The following RIMS1 variants were observed in gnomAD, a reference collection of about 807,000 sequenced individuals.
RIMS1 encodes the protein regulating synaptic membrane exocytosis protein 1.
RIMS1 carries 83 observed loss-of-function variants against 214.1 expected under a neutral mutation model. The ratio of observed to expected loss-of-function variants is 0.39; its 90% confidence interval spans 0.32 to 0.47. The LOEUF is 0.47. Ranked by LOEUF, RIMS1 falls within the 20% of genes least tolerant of loss-of-function variation. RIMS1 has a pLI of 0.99. For synonymous variants in RIMS1, 793 were observed against 786.8 expected (o/e 1.01, Z -0.13); for missense variants, 2,050 against 2,161.8 (o/e 0.95, Z 1.03).
rs34821160 is a variant in RIMS1 at position 72,251,340 on chromosome 6, T to C, written c.2670T>C (p.His890=). 1.0e-3 allele frequency: 1,618 copies of C among 1,598,152 alleles called. 14 individuals are homozygous for C. In the African/African-American group the frequency reaches 0.019, roughly 19 times the overall value. Residue 890 remains histidine (H), a synonymous_variant, in exon 15 of 34, where the codon CAT becomes CAC. Transcript: ENST00000521978. The part of the protein sequence containing the change: ...PSPFMPRRHI[H]GESSSKKLQR... ...CTTTCATGCCAAGGCGACATATTCATGGAGAAAGCTCTAGCAAAAAGCTAC... is the reference window on the plus strand; with the variant it reads ...CTTTCATGCCAAGGCGACATATTCACGGAGAAAGCTCTAGCAAAAAGCTAC...
At chr6:71,974,402 T>G (rs1796642089) in intron 2 of RIMS1, among the ~76,000 whole-genome samples, 1 of 152,074 alleles carries the variant, frequency 6.6e-6, no homozygotes, top group African/African-American at 2.4e-5. Flanking sequence ...TTGGAGAAAA[T>G]AAGCAACTCG....
At chr6:72,119,862 T>C (rs2037876752) in intron 4 of RIMS1, among the ~76,000 whole-genome samples, 1 of 151,744 alleles carries the variant, frequency 6.6e-6, no homozygotes, top group Non-Finnish European at 1.5e-5. Context: ...GTCCAAGTAT[T>C]CTCATTGTTC....
intron 6 of RIMS1, among the ~76,000 whole-genome samples, chr6:72,221,827 A>T (rs570539405): frequency 6.6e-6 from 1 of 151,986 alleles, no homozygotes; most frequent in African/African-American, 2.4e-5. Context: ...CATGGATTCT[A>T]TATTTCTCCA....
chr6:72,330,904 G>A (rs1283063923), intron 28 of RIMS1, among the ~76,000 whole-genome samples: 1 of 151,148 alleles, frequency 6.6e-6, no homozygotes, highest in Non-Finnish European at 1.5e-5. Context: ...AGCTACACAG[G>A]TCCTCATAAA....
chr6:72,196,415 CTAT>C (rs1366519398), intron 6 of RIMS1, among the ~76,000 whole-genome samples: 32 of 150,880 alleles, frequency 2.1e-4, no homozygotes, highest in Admixed American at 7.2e-4. Flanking sequence ...ATCTATCTAT[CTAT>C]CTAACTGGGG....
At chr6:71,910,766 T>C (rs1228976629) in intron 1 of RIMS1, among the ~76,000 whole-genome samples, 1 of 152,180 alleles carries the variant, frequency 6.6e-6, no homozygotes, top group African/African-American at 2.4e-5. Flanking sequence ...AGTTTGAATA[T>C]TCCAAGGAAA....
chr6:72,099,808 T>C (rs2033077649), intron 3 of RIMS1, among the ~76,000 whole-genome samples, 167 bp from the exon 4 acceptor site: 1 of 152,128 alleles, frequency 6.6e-6, no homozygotes, highest in Non-Finnish European at 1.5e-5. Flanking sequence ...ACAATTACTA[T>C]TTTTTAGGAA....
chr6:72,176,632 T>G (rs1211871898), intron 4 of RIMS1, among the ~76,000 whole-genome samples: 1 of 152,120 alleles, frequency 6.6e-6, no homozygotes, highest in Non-Finnish European at 1.5e-5. Context: ...TGACTACACT[T>G]ATAGTTAATT....
In RIMS1 at chr6:72,306,440, A is replaced by G. The variant is rs527812023; in HGVS notation, c.3851-818A>G. On this transcript the variant is annotated intron_variant, in intron 26 of 33. Transcript: ENST00000521978. Reference sequence around the variant, plus strand: ...AGCTGTTTCTTTCTCCTTCATTTGTAAAAATGCAAAATTTAAAGGCAAGGT... The same window carrying G: ...AGCTGTTTCTTTCTCCTTCATTTGTGAAAATGCAAAATTTAAAGGCAAGGT... Among the ~76,000 whole-genome samples the G allele has an allele frequency of 1.4e-3, 217 of 152,302 alleles. 1 individual carries two copies. The highest frequency in any genetic ancestry group is 4.7e-3 in the African/African-American group (194 of 41,566).
At position 71,902,354 on chromosome 6, in the gene RIMS1, C is replaced by A. The variant is rs1434557045; in HGVS notation, c.164+15167C>A. 3.3e-5 allele frequency among the ~76,000 whole-genome samples: 5 copies of A among 152,044 alleles called. No homozygotes were observed. The East Asian group carries it at 9.7e-4, about 29-fold the overall frequency. ...ATTGATTACTGATCTACAGATGAAGCCATGCTGGGTCATGTATAAGATGAG... is the reference window on the plus strand; with the variant it reads ...ATTGATTACTGATCTACAGATGAAGACATGCTGGGTCATGTATAAGATGAG... On this transcript the variant is annotated intron_variant, in intron 1 of 33. Coordinates refer to ENST00000521978, the MANE Select transcript of RIMS1 (RefSeq NM_014989.7).
chr6:72,341,329 A>G lies in RIMS1; in HGVS notation c.4366+7494A>G, dbSNP rs118079520. ...TGATTAAATGTTGAAAATGGTGCTT[A>G]GTTTCCTGGGATATGAGAAAGAAAT... On this transcript the variant is annotated intron_variant, in intron 29 of 33. Coordinates refer to ENST00000521978, the MANE Select transcript of RIMS1 (RefSeq NM_014989.7). Among the ~76,000 whole-genome samples the G allele has an allele frequency of 4.5e-3, 683 of 151,762 alleles. 2 individuals carry two copies. Among genetic ancestry groups the G allele is most frequent in the South Asian group, 7.3e-3 (35 of 4,820 alleles).
Position 72,307,457 on chromosome 6 carries a change from A to G in RIMS1, c.3963+87A>G, listed in dbSNP as rs2095270128. ...GCAGGATTAGAAAGCACCGAATTAT[A>G]TAAGAGAAGTTATCATTTGGGCCGG... On this transcript the variant is annotated intron_variant, in intron 27 of 33. Coordinates refer to ENST00000521978, the MANE Select transcript of RIMS1 (RefSeq NM_014989.7). 3 of 834,536 alleles carry G rather than the reference A, an allele frequency of 3.6e-6. No homozygotes were observed. The South Asian group carries it at 6.1e-5, about 17-fold the overall frequency. The allele number at this position is 834,536 out of a possible 1,614,324, so 51.7% of individuals were successfully genotyped here. A position where few individuals can be genotyped will look rare whatever the true frequency, so the allele number is the denominator to read the frequency against.
At chr6:71,895,190 G>C (rs536344647) in intron 1 of RIMS1, among the ~76,000 whole-genome samples, 3 of 152,054 alleles carry the variant, frequency 2.0e-5, no homozygotes, top group Admixed American at 6.5e-5. Context: ...ACTTTACATC[G>C]TCCATTTGAT....
rs116303981 is a variant in RIMS1 at position 72,179,751 on chromosome 6, G to A, written c.648G>A (p.Ser216=). The A allele has an allele frequency of 1.4e-3, 2,299 of 1,613,804 alleles. 25 individuals carry two copies. In the African/African-American group the frequency reaches 0.025, roughly 18 times the overall value. The change falls in exon 5 of 34, where the codon TCG becomes TCA. Residue 216 remains serine, a synonymous_variant. Transcript: ENST00000521978. Reference sequence around the variant, plus strand: ...AGAAAGCACGACTCCAAGAGCGATCGCGGTCTCAGACACCCCTAAGCACAG... The same window carrying A: ...AGAAAGCACGACTCCAAGAGCGATCACGGTCTCAGACACCCCTAAGCACAG... The part of the protein sequence containing the change: ...REKKARLQER[S]RSQTPLSTAA...
intron 6 of RIMS1, among the ~76,000 whole-genome samples, chr6:72,212,200 TA>T (rs1259265012): frequency 2.6e-5 from 4 of 152,004 alleles, no homozygotes; most frequent in African/African-American, 9.7e-5. Context: ...TTAAGGTAGA[TA>T]AAAATATATA....
At chr6:72,271,240 T>G (rs2082930163) in intron 22 of RIMS1, among the ~76,000 whole-genome samples, 1 of 137,114 alleles carries the variant, frequency 7.3e-6, no homozygotes, top group South Asian at 2.3e-4. Context: ...CACTCCAGCC[T>G]GGGTGACAGA....
In RIMS1 at chr6:72,182,587, G is replaced by A. The variant is rs1463895701; in HGVS notation, c.1116G>A (p.Glu372=). The A allele has an allele frequency of 1.3e-6, 2 of 1,549,046 alleles. No homozygotes were observed. The highest frequency in any genetic ancestry group is 2.4e-5 in the East Asian group (1 of 40,894). ...ARYPVKPPPE[E]QQMRMHARVS... ...ACCCGGTGAAACCGCCGCCTGAGGA[G>A]CAGCAGATGCGCATGCACGCCCGGG... Residue 372 remains glutamate (E), a synonymous_variant, in exon 6 of 34, where the codon GAG becomes GAA. Transcript: ENST00000521978.
At chr6:72,019,637 G>T (rs1813947311) in intron 2 of RIMS1, among the ~76,000 whole-genome samples, 1 of 152,068 alleles carries the variant, frequency 6.6e-6, no homozygotes, top group African/African-American at 2.4e-5. Context: ...TTAACATTCT[G>T]GAAAATTATT....
At chr6:72,243,901 C>A (rs2068133497) in intron 10 of RIMS1, among the ~76,000 whole-genome samples, 1 of 148,902 alleles carries the variant, frequency 6.7e-6, no homozygotes, top group Non-Finnish European at 1.5e-5. Context: ...GAATCAGAAT[C>A]AAAGGTAGTA....
Sources: allele counts gnomAD v4.1 joint callset (sites outside exome capture counted in the v4.1 genomes callset), GRCh38; gene constraint gnomAD v4.1.1; transcripts MANE v1.5; gene names NCBI Gene and HGNC (gene_info 2026-07-23, HGNC 2026-07-21).